TRIP11: variants seen among roughly 807,000 people sequenced by gnomAD.
TRIP11 encodes thyroid hormone receptor interactor 11.
Under a neutral mutation model 223.1 loss-of-function variants are expected in TRIP11, and 148 were observed. The observed-to-expected ratio is 0.66, with a 90% CI of 0.58 to 0.76. The LOEUF is 0.76. Ranked by LOEUF, TRIP11 falls within the 30% of genes least tolerant of loss-of-function variation. The pLI is 0.00. For missense variants in TRIP11, 2,043 were observed against 2,222.0 expected, an observed-to-expected ratio of 0.92 and a Z score of 1.62; for synonymous variants, 762 against 772.6, an observed-to-expected ratio of 0.99 and a Z score of 0.23.
In TRIP11 at chr14:91,995,429, G is replaced by T; in HGVS notation, c.4979C>A (p.Ser1660Tyr). 1 of 1,614,154 alleles carries T rather than the reference G, an allele frequency of 6.2e-7. No homozygotes were observed. The highest frequency in any genetic ancestry group is 8.5e-7 in the Non-Finnish European group (1 of 1,180,018). ...KQRDETALQL[S>Y]VSQEQVKQYA... ...CTGCTTTACTTGTTCCTGAGAGACA[G>T]AAAGCTGCAGCGCAGTTTCATCCCT... The change falls in exon 14 of 21, where the codon TCT becomes TAT. Residue 1660 changes from serine (S) to tyrosine (Y), a missense_variant. Transcript: ENST00000267622.
In TRIP11 at chr14:91,995,390, A is replaced by T. The variant is rs1411199061; in HGVS notation, c.5018T>A (p.Leu1673Gln). ...CTCTAGTACCATCTGCAGGTTGGCC[A>T]GTGACAGAGCATACTGCTTTACTTG... Reference protein sequence around the residue: ...QEQVKQYALSLANLQMVLEHF... With the variant: ...QEQVKQYALSQANLQMVLEHF... The change falls in exon 14 of 21, where the codon CTG (leucine) becomes CAG (glutamine). Residue 1673 changes from leucine to glutamine, a missense_variant. Leu to Gln is a moderately radical substitution (Grantham distance 113, BLOSUM62 -2). Coordinates refer to ENST00000267622, the MANE Select transcript of TRIP11 (RefSeq NM_004239.4). 6.2e-7 allele frequency: 1 copy of T among 1,613,922 alleles called. No individual in the cohort carries two copies. Among genetic ancestry groups the T allele is most frequent in the Non-Finnish European group, 8.5e-7 (1 of 1,180,012 alleles).
chr14:92,005,831 T>A lies in TRIP11; in HGVS notation c.2145A>T (p.Lys715Asn), dbSNP rs1350143626. The A allele has an allele frequency of 6.2e-7, 1 of 1,614,064 alleles. No homozygotes were observed. Among genetic ancestry groups the A allele is most frequent in the Non-Finnish European group, 8.5e-7 (1 of 1,180,018 alleles). Residue 715 changes from lysine (K) to asparagine (N), a missense_variant, in exon 11 of 21, where the codon AAA becomes AAT. Physicochemically the swap from Lys to Asn is moderately conservative, Grantham distance 94. Transcript: ENST00000267622. The stretch of plus-strand genomic sequence containing the variant: ...CTGCCTCTATCTCTCCTTTTTCCAT[T>A]TTTAGAGTCTCCACAATAGTGTTTT... ...LEKNTIVETL[K>N]MEKGEIEAEL...
At chr14:92,011,208 T>C in intron 8 of TRIP11, 136 bp from the exon 9 acceptor site, 1 of 831,732 alleles carries the variant, frequency 1.2e-6, no homozygotes. Flanking sequence ...ATGCAATACT[T>C]GGCCAGACAC....
intron 16 of TRIP11, 36 bp downstream of exon 16, chr14:91,988,248 T>C (rs889618286): frequency 3.3e-6 from 5 of 1,503,460 alleles, no homozygotes; most frequent in Non-Finnish European, 3.7e-6. Flanking sequence ...AATATCAGTA[T>C]TGTAGTGGGG....
chr14:92,001,194 A>G lies in TRIP11; in HGVS notation c.4558-1086T>C, dbSNP rs183503457. Among the ~76,000 whole-genome samples the G allele has an allele frequency of 4.3e-3, 655 of 152,176 alleles. 1 individual carries two copies. The highest frequency in any genetic ancestry group is 6.8e-3 in the Middle Eastern group (2 of 294). ...TTTCTTTTCTCCATTTTAAATATGC[A>G]TATCTTATGAACCTATTTACAGTTT... On this transcript the variant is annotated intron_variant, in intron 11 of 20. Coordinates refer to ENST00000267622, the MANE Select transcript of TRIP11 (RefSeq NM_004239.4).
intron 2 of TRIP11, among the ~76,000 whole-genome samples, chr14:92,028,571 TGA>T (rs1386482326): frequency 6.6e-6 from 1 of 151,944 alleles, no homozygotes; most frequent in African/African-American, 2.4e-5. Flanking sequence ...AAAGAAAGGC[TGA>T]GAGAGCAAAT....
chr14:91,995,594 C>T, intron 13 of TRIP11, 79 bp from the exon 14 acceptor site: 1 of 1,370,178 alleles, frequency 7.3e-7, no homozygotes, highest in East Asian at 2.4e-5. Context: ...TTCCCTACAT[C>T]TTATTACTTT....
chr14:92,015,614 C>T (rs759243265), intron 6 of TRIP11, 82 bp downstream of exon 6: 29 of 1,222,530 alleles, frequency 2.4e-5, no homozygotes, highest in African/African-American at 1.1e-4. Flanking sequence ...GCCGAGATCG[C>T]GCCAGTGCAC....
rs151195363 is a variant in TRIP11, at chr14:91,972,411, T to C, written c.5719+306A>G. On this transcript the variant is annotated intron_variant, in intron 20 of 20. Coordinates refer to ENST00000267622, the MANE Select transcript of TRIP11 (RefSeq NM_004239.4). Reference sequence around the variant, plus strand: ...CAAGAAAGATGTAACCAATTCCCCATCACTTCCAGAGGAATAATTCATAGC... The same window carrying C: ...CAAGAAAGATGTAACCAATTCCCCACCACTTCCAGAGGAATAATTCATAGC... Among the ~76,000 whole-genome samples the C allele has an allele frequency of 4.6e-5, 7 of 152,290 alleles. No individual in the cohort carries two copies. The East Asian group carries it at 1.3e-3, about 29-fold the overall frequency.
chr14:92,004,639 T>C lies in TRIP11; in HGVS notation c.3337A>G (p.Ser1113Gly). The C allele has an allele frequency of 6.2e-7, 1 of 1,614,174 alleles. No homozygotes were observed. Among genetic ancestry groups the C allele is most frequent in the Non-Finnish European group, 8.5e-7 (1 of 1,180,024 alleles). ...AVLNEKTREN[S>G]HLKTEYHKMM... ...TTGTGATATTCTGTTTTTAGATGGC[T>C]ATTTTCCCTAGTCTTCTCATTCAAA... Residue 1113 changes from serine to glycine, a missense_variant, in exon 11 of 21, where the codon AGC becomes GGC. Coordinates refer to ENST00000267622, the MANE Select transcript of TRIP11 (RefSeq NM_004239.4).
Position 92,006,202 on chromosome 14 carries a change from G to A in TRIP11, c.1774C>T (p.Leu592=), listed in dbSNP as rs199768095. 127 of 1,613,040 alleles carry A rather than the reference G, an allele frequency of 7.9e-5. 1 individual carries two copies. The Admixed American group carries it at 1.1e-3, about 14-fold the overall frequency. Residue 592 remains leucine (L), a synonymous_variant, in exon 11 of 21, where the codon CTA becomes TTA. Transcript: ENST00000267622. ...EDKVENLVDQ[L]NKSQESNVSI... is the part of the protein sequence containing the mutation. ...ACATTACTTTCTTGTGATTTATTTAGCTGATCTACTAAATTTTCTACTTTG... is the reference window on the plus strand; with the variant it reads ...ACATTACTTTCTTGTGATTTATTTAACTGATCTACTAAATTTTCTACTTTG...
At chr14:91,997,251 C>A (rs2056761924) in intron 13 of TRIP11, among the ~76,000 whole-genome samples, 1 of 152,100 alleles carries the variant, frequency 6.6e-6, no homozygotes. Context: ...CCACCATAAT[C>A]CGGTTTGTAG....
intron 14 of TRIP11, among the ~76,000 whole-genome samples, chr14:91,995,143 T>G (rs77953918): frequency 9.2e-5 from 14 of 152,336 alleles, no homozygotes; most frequent in African/African-American, 3.4e-4. Context: ...TAAAACAAAT[T>G]TTTAATAATT....
rs755640648 is a variant in TRIP11, at chr14:92,005,422, CT to C, written c.2553del (p.Asp852ThrfsTer7). ...TCTTTCATGGATCCAAGACTTCGGT[CT>C]TTTTCCTCTATGGTCTGTCTTAAAA... ...NEILRQTIEE[K>X]DRSLGSMKEE... On this transcript the variant is annotated frameshift_variant, in exon 11 of 21. Transcript: ENST00000267622. LOFTEE classifies it high-confidence loss of function. The C allele has an allele frequency of 1.9e-6, 3 of 1,613,898 alleles. No individual in the cohort carries two copies. Among genetic ancestry groups the C allele is most frequent in the Non-Finnish European group, 8.5e-7 (1 of 1,180,030 alleles).
chr14:92,005,834 TAG>T lies in TRIP11; in HGVS notation c.2140_2141del (p.Leu714LysfsTer15), dbSNP rs2056893919. The T allele has an allele frequency of 6.2e-7, 1 of 1,614,088 alleles. No individual in the cohort carries two copies. The highest frequency in any genetic ancestry group is 1.1e-5 in the South Asian group (1 of 91,084). The part of the protein sequence containing the change: ...SLEKNTIVET[L>X]KMEKGEIEAE... ...CCTCTATCTCTCCTTTTTCCATTTT[TAG>T]AGTCTCCACAATAGTGTTTTTTTCC... On this transcript the variant is annotated frameshift_variant, in exon 11 of 21. Transcript: ENST00000267622. LOFTEE classifies it high-confidence loss of function.
Position 92,003,888 on chromosome 14 carries a change from A to T in TRIP11, c.4088T>A (p.Ile1363Asn), listed in dbSNP as rs1390570639. The T allele has an allele frequency of 6.2e-7, 1 of 1,614,000 alleles. No individual in the cohort carries two copies. The highest frequency in any genetic ancestry group is 2.2e-5 in the East Asian group (1 of 44,874). Reference sequence around the variant, plus strand: ...GTGGTTATTTTCCTGGAGAGTTCTAATTGTTGCATCTTTTTCCTGTAGTGA... The same window carrying T: ...GTGGTTATTTTCCTGGAGAGTTCTATTTGTTGCATCTTTTTCCTGTAGTGA... ...RKSLQEKDAT[I>N]RTLQENNHRL... The change falls in exon 11 of 21, where the codon ATT becomes AAT. Residue 1363 changes from isoleucine (I) to asparagine (N), a missense_variant. Ile to Asn is a moderately radical substitution (Grantham distance 149). Transcript: ENST00000267622.
chr14:91,998,276 T>C (rs375227851), intron 13 of TRIP11, among the ~76,000 whole-genome samples: 3 of 152,218 alleles, frequency 2.0e-5, no homozygotes, highest in African/African-American at 4.8e-5. Flanking sequence ...TTTAAAATGC[T>C]TCTTGATCTA....
chr14:92,031,637 G>A (rs1595412610), intron 2 of TRIP11, among the ~76,000 whole-genome samples: 1 of 152,166 alleles, frequency 6.6e-6, no homozygotes, highest in East Asian at 1.9e-4. Context: ...TATTAGAGAG[G>A]TAACTGAACT....
intron 2 of TRIP11, among the ~76,000 whole-genome samples, chr14:92,028,362 C>A (rs1393609021): frequency 6.6e-6 from 1 of 152,022 alleles, no homozygotes; most frequent in Non-Finnish European, 1.5e-5. Flanking sequence ...GAGTTCAAGA[C>A]CAGCCTGGGC....
Sources: gnomAD v4.1 joint callset for allele counts (sites outside exome capture counted in the v4.1 genomes callset) on GRCh38, gnomAD v4.1.1 for gene constraint, MANE v1.5 for transcripts, NCBI Gene and HGNC (gene_info 2026-07-23, HGNC 2026-07-21) for gene names.